OTOG: variants seen among roughly 807,000 people sequenced by gnomAD.
The protein encoded by OTOG is otogelin.
OTOG carries 296 observed loss-of-function variants against 313.8 expected under a neutral mutation model. That is an observed-to-expected ratio of 0.94 (90% CI 0.86 to 1.04). The LOEUF (loss-of-function observed/expected upper bound fraction) is 1.04. Ranked by LOEUF, OTOG falls within the 50% of genes least tolerant of loss-of-function variation. The pLI, the probability that OTOG is intolerant of heterozygous loss-of-function variation, is 0.00. For missense variants in OTOG, 3,948 were observed against 3,840.1 expected, an observed-to-expected ratio of 1.03 and a Z score of -0.74; for synonymous variants, 1,533 against 1,554.9, an observed-to-expected ratio of 0.99 and a Z score of 0.33.
chr11:17,581,841 G>A (rs944010081), intron 23 of OTOG, among the ~76,000 whole-genome samples: 4 of 152,222 alleles, frequency 2.6e-5, no homozygotes, highest in Non-Finnish European at 4.4e-5. Context: ...CTTTCCAGCC[G>A]GTTCCGCCCC....
At position 17,609,979 on chromosome 11, in the gene OTOG, C is replaced by A; in HGVS notation, c.4679C>A (p.Ala1560Asp). The A allele has an allele frequency of 6.5e-7, 1 of 1,542,736 alleles. No homozygotes were observed. The change falls in exon 36 of 56, where the codon GCC (alanine) becomes GAC (aspartate). Residue 1560 changes from alanine to aspartate, a missense_variant. Coordinates refer to ENST00000399397, the MANE Select transcript of OTOG (RefSeq NM_001292063.2). ...ASKGVTASLL[A>D]IPHTPESSSL... is the part of the protein sequence containing the mutation. Reference sequence around the variant, plus strand: ...AAGGGAGTGACTGCCAGCCTCCTGGCCATCCCCCATACACCAGAGTCCTCA... The same window carrying A: ...AAGGGAGTGACTGCCAGCCTCCTGGACATCCCCCATACACCAGAGTCCTCA...
rs1847900266 is a variant in OTOG at position 17,638,497 on chromosome 11, T to C, written c.7842T>C (p.Thr2614=). Residue 2614 remains threonine (T), a synonymous_variant, in exon 48 of 56, where the codon ACT becomes ACC. Transcript: ENST00000399397. ...CCCAAGTGCAGTGTGGCCTGGGCACTGCCCTGGTGGAGGTGTGGAGCCCCG... is the reference window on the plus strand; with the variant it reads ...CCCAAGTGCAGTGTGGCCTGGGCACCGCCCTGGTGGAGGTGTGGAGCCCCG... ...RCPQVQCGLG[T]ALVEVWSPDR... The C allele has an allele frequency of 1.3e-6, 2 of 1,550,274 alleles. No homozygotes were observed. The highest frequency in any genetic ancestry group is 1.2e-5 in the South Asian group (1 of 84,058).
At chr11:17,555,639 G>A (rs779815208) in intron 6 of OTOG, 140 bp from the exon 7 acceptor site, 78 of 651,204 alleles carry the variant, frequency 1.2e-4, no homozygotes, top group Admixed American at 1.4e-4. Flanking sequence ...GATGTATGGG[G>A]ACTGAGCGAG....
intron 23 of OTOG, among the ~76,000 whole-genome samples, chr11:17,584,056 GT>G (rs1425752130): frequency 6.6e-6 from 1 of 152,120 alleles, no homozygotes; most frequent in Non-Finnish European, 1.5e-5. Flanking sequence ...GGTATTTGCT[GT>G]TTTTGTTGAT....
chr11:17,610,483 C>A lies in OTOG; in HGVS notation c.5183C>A (p.Ala1728Asp). Residue 1728 changes from alanine (A) to aspartate (D), a missense_variant, in exon 36 of 56, where the codon GCC becomes GAC. By Grantham distance (126) the Ala-to-Asp change is moderately radical. Transcript: ENST00000399397. Reference protein sequence around the residue: ...EIVLSTEKGEAGHSQPMGSPA... With the variant: ...EIVLSTEKGEDGHSQPMGSPA... ...GTGCTATCCACAGAGAAGGGCGAAG[C>A]CGGGCACAGCCAGCCCATGGGCTCG... 2 of 1,550,598 alleles carry A rather than the reference C, an allele frequency of 1.3e-6. No homozygotes were observed. Among genetic ancestry groups the A allele is most frequent in the African/African-American group, 1.4e-5 (1 of 73,184 alleles).
At chr11:17,627,604 T>C (rs1340583028) in intron 39 of OTOG, among the ~76,000 whole-genome samples, 1 of 152,208 alleles carries the variant, frequency 6.6e-6, no homozygotes, top group Non-Finnish European at 1.5e-5. Flanking sequence ...ACTGGCCTCA[T>C]AGAATGAGTT....
chr11:17,629,317 G>T lies in OTOG; in HGVS notation c.6712+1G>T. 1 of 1,547,922 alleles carries T rather than the reference G, an allele frequency of 6.5e-7. No homozygotes were observed. The highest frequency in any genetic ancestry group is 8.7e-7 in the Non-Finnish European group (1 of 1,145,804). ...AAGGCCCAGGGCCATGGCCTGTGCGGTGAGGTGGAACCCAGCTTGCGGGGA... is the reference window on the plus strand; with the variant it reads ...AAGGCCCAGGGCCATGGCCTGTGCGTTGAGGTGGAACCCAGCTTGCGGGGA... On this transcript the variant is annotated splice_donor_variant, in intron 40 of 55. Transcript: ENST00000399397. LOFTEE classifies it high-confidence loss of function.
intron 19 of OTOG, among the ~76,000 whole-genome samples, 153 bp downstream of exon 19, chr11:17,573,443 C>T (rs1203404481): frequency 6.6e-6 from 1 of 152,208 alleles, no homozygotes; most frequent in African/African-American, 2.4e-5. Flanking sequence ...CCCTCCATCT[C>T]TGCCAATGGC....
chr11:17,550,271 C>A (rs1428205144), intron 3 of OTOG, among the ~76,000 whole-genome samples: 2 of 152,126 alleles, frequency 1.3e-5, no homozygotes, highest in East Asian at 3.8e-4. Context: ...ACTGCTAGAT[C>A]TTTTATTTAT....
chr11:17,634,291 C>T lies in OTOG; in HGVS notation c.7480+10C>T, dbSNP rs1392943255. The T allele has an allele frequency of 6.5e-7, 1 of 1,548,724 alleles. No homozygotes were observed. The highest frequency in any genetic ancestry group is 8.7e-7 in the Non-Finnish European group (1 of 1,145,510). ...CTGGGGACTGTCTGTGGTGAGTGTCCACCTTCACTTCCTTGGACGTCAACT... is the reference window on the plus strand; with the variant it reads ...CTGGGGACTGTCTGTGGTGAGTGTCTACCTTCACTTCCTTGGACGTCAACT... On this transcript the variant is annotated intron_variant, in intron 44 of 55. Coordinates refer to ENST00000399397, the MANE Select transcript of OTOG (RefSeq NM_001292063.2).
intron 15 of OTOG, among the ~76,000 whole-genome samples, chr11:17,566,149 A>T (rs1032198731): frequency 2.6e-5 from 4 of 152,164 alleles, no homozygotes; most frequent in African/African-American, 9.7e-5. Flanking sequence ...CTCCCCACAG[A>T]TACCAAAATC....
At chr11:17,593,107 C>T (rs1260885225) in intron 25 of OTOG, 86 bp from the exon 26 acceptor site, 5 of 1,346,550 alleles carry the variant, frequency 3.7e-6, no homozygotes, top group Non-Finnish European at 5.0e-6. Flanking sequence ...AAAGCCACTC[C>T]AGAGAGCGTG....
chr11:17,565,146 C>A (rs910472134), intron 15 of OTOG, among the ~76,000 whole-genome samples: 1 of 152,300 alleles, frequency 6.6e-6, no homozygotes, highest in African/African-American at 2.4e-5. Context: ...ATGTCATTTT[C>A]TGATCCAGGG....
Position 17,610,018 on chromosome 11 carries a change from C to T in OTOG, c.4718C>T (p.Ala1573Val). 6.5e-7 allele frequency: 1 copy of T among 1,546,930 alleles called. No individual in the cohort carries two copies. The highest frequency in any genetic ancestry group is 8.7e-7 in the Non-Finnish European group (1 of 1,144,450). ...CCAGAGTCCTCATCCCTCCCTGTTG[C>T]ACTGCAGACACCCACACCTGGCATG... ...HTPESSSLPV[A>V]LQTPTPGMVS... Residue 1573 changes from alanine to valine, a missense_variant, in exon 36 of 56, where the codon GCA becomes GTA. Ala to Val is a moderately conservative substitution (Grantham distance 64). Transcript: ENST00000399397.
intron 28 of OTOG, 100 bp from the exon 29 acceptor site, chr11:17,595,938 G>A: frequency 1.3e-6 from 1 of 786,000 alleles, no homozygotes; most frequent in South Asian, 1.6e-5. Context: ...TGAATATCAG[G>A]GGGCAAGGAT....
intron 39 of OTOG, among the ~76,000 whole-genome samples, chr11:17,619,133 T>G (rs758715107): frequency 1.3e-5 from 2 of 152,062 alleles, no homozygotes; most frequent in African/African-American, 4.8e-5. Flanking sequence ...TAGCCAAGCA[T>G]GGTGGCACAT....
chr11:17,557,790 T>C (rs1361660886), intron 8 of OTOG, among the ~76,000 whole-genome samples: 6 of 152,084 alleles, frequency 3.9e-5, no homozygotes, highest in African/African-American at 1.2e-4. Flanking sequence ...TACTAAACAC[T>C]TTACATGCAT....
At chr11:17,604,567 T>G (rs1853335444) in intron 32 of OTOG, among the ~76,000 whole-genome samples, 1 of 152,198 alleles carries the variant, frequency 6.6e-6, no homozygotes, top group Non-Finnish European at 1.5e-5. Flanking sequence ...CTCTCTTCCC[T>G]CCTCTGTAAA....
intron 15 of OTOG, among the ~76,000 whole-genome samples, chr11:17,564,317 G>A (rs773007699): frequency 1.3e-5 from 2 of 152,188 alleles, no homozygotes; most frequent in Non-Finnish European, 2.9e-5. Context: ...GGGGAGTTCT[G>A]TGGAAGAAAT....
Sources: gnomAD v4.1 joint callset for allele counts (sites outside exome capture counted in the v4.1 genomes callset) on GRCh38, gnomAD v4.1.1 for gene constraint, MANE v1.5 for transcripts, NCBI Gene and HGNC (gene_info 2026-07-23, HGNC 2026-07-21) for gene names.